MROH9: variants seen among roughly 807,000 people sequenced by gnomAD.
MROH9 encodes the protein maestro heat like repeat family member 9, also known as maestro heat-like repeat-containing protein family member 9.
MROH9 carries 92 observed loss-of-function variants against 98.2 expected under a neutral mutation model. That is an observed-to-expected ratio of 0.94 (90% CI 0.79 to 1.11). The LOEUF is 1.11. Among genes scored for constraint, MROH9 ranks in the 50% most tolerant of loss-of-function variants. The pLI, the probability that MROH9 is intolerant of heterozygous loss-of-function variation, is 0.00. For synonymous variants in MROH9, 397 were observed against 368.9 expected (o/e 1.08, Z -0.87); for missense variants, 1,057 against 1,014.8 (o/e 1.04, Z -0.57).
rs1314714068 is a variant in MROH9, at chr1:171,013,866, AAAAT to A, written c.1597-249_1597-246del. Among the ~76,000 whole-genome samples the A allele has an allele frequency of 2.4e-5, 3 of 123,248 alleles. No homozygotes were observed. The South Asian group carries it at 9.0e-4, about 37-fold the overall frequency. 80.9% of individuals were successfully genotyped at this position (123,248 alleles called of 152,430 possible). On this transcript the variant is annotated intron_variant, in intron 15 of 21. Coordinates refer to ENST00000367759, the MANE Select transcript of MROH9 (RefSeq NM_001163629.2). ...AGTTTCCAACAATGGAGGAAAATGTAAAATACATACACACACACACACACACACA... is the reference window on the plus strand; with the variant it reads ...AGTTTCCAACAATGGAGGAAAATGTAACATACACACACACACACACACACA...
intron 14 of MROH9, 52 bp from the exon 15 acceptor site, chr1:170,998,102 T>C: frequency 7.3e-7 from 1 of 1,362,384 alleles, no homozygotes; most frequent in Non-Finnish European, 1.0e-6. Flanking sequence ...TTTGCCACTA[T>C]TAGCATGGTG....
chr1:171,006,611 A>G (rs949502987), intron 15 of MROH9, among the ~76,000 whole-genome samples: 2 of 151,792 alleles, frequency 1.3e-5, no homozygotes, highest in Non-Finnish European at 2.9e-5. Flanking sequence ...ATCTAGATTC[A>G]TATATTTAAT....
rs1189957613 is a variant in MROH9, at chr1:170,980,214, C to T, written c.617-3208C>T. Among the ~76,000 whole-genome samples the T allele has an allele frequency of 2.6e-5, 4 of 152,220 alleles. No homozygotes were observed. In the South Asian group the frequency reaches 8.3e-4, roughly 32 times the overall value. ...TTCCTATCAAACTACCATTGACATTCTTCACACGATTAGAAAAAAACTATT... is the reference window on the plus strand; with the variant it reads ...TTCCTATCAAACTACCATTGACATTTTTCACACGATTAGAAAAAAACTATT... On this transcript the variant is annotated intron_variant, in intron 8 of 21. Transcript: ENST00000367759.
intron 20 of MROH9, among the ~76,000 whole-genome samples, chr1:171,038,776 T>C (rs1192956729): frequency 6.6e-6 from 1 of 152,190 alleles, no homozygotes. Flanking sequence ...AGAACTGTCA[T>C]AGTGACACCA....
intron 3 of MROH9, among the ~76,000 whole-genome samples, chr1:170,955,375 G>T (rs1385148101): frequency 6.6e-6 from 1 of 152,040 alleles, no homozygotes; most frequent in African/African-American, 2.4e-5. Flanking sequence ...TCTACTTTTA[G>T]TTCTTTAAGG....
intron 3 of MROH9, among the ~76,000 whole-genome samples, chr1:170,957,954 G>T (rs190915020): frequency 6.6e-6 from 1 of 151,980 alleles, no homozygotes; most frequent in East Asian, 1.9e-4. Flanking sequence ...GACTACAGGC[G>T]CCCGCTACCA....
chr1:170,959,231 C>G (rs1278035683), intron 4 of MROH9, among the ~76,000 whole-genome samples: 1 of 151,976 alleles, frequency 6.6e-6, no homozygotes, highest in Non-Finnish European at 1.5e-5. Flanking sequence ...AAAAATTAGC[C>G]AGGCGTGGTG....
chr1:170,965,180 C>A lies in MROH9; in HGVS notation c.405C>A (p.Ser135Arg), dbSNP rs1196939303. The stretch of plus-strand genomic sequence containing the variant: ...TGCTCGTGTGGATGAGTAAAGATAG[C>A]TCATATCTGCAAGAGAGAATAATGG... Reference protein sequence around the residue: ...KEMLVWMSKDSSYLQERIMVI... With the variant: ...KEMLVWMSKDRSYLQERIMVI... Residue 135 changes from serine to arginine, a missense_variant, in exon 7 of 22, where the codon AGC becomes AGA. Ser to Arg is a moderately radical substitution (Grantham distance 110). Transcript: ENST00000367759. 6.2e-7 allele frequency: 1 copy of A among 1,610,730 alleles called. No homozygotes were observed. The highest frequency in any genetic ancestry group is 1.3e-5 in the African/African-American group (1 of 74,768).
intron 1 of MROH9, among the ~76,000 whole-genome samples, chr1:170,938,928 T>C (rs768265780): frequency 6.6e-6 from 1 of 152,210 alleles, no homozygotes; most frequent in Non-Finnish European, 1.5e-5. Context: ...TAAAAGTCCA[T>C]GTTGCTGGAC....
chr1:170,987,415 C>G (rs1482735484), intron 10 of MROH9, among the ~76,000 whole-genome samples: 1 of 152,212 alleles, frequency 6.6e-6, no homozygotes, highest in Non-Finnish European at 1.5e-5. Context: ...ACAACGAAAT[C>G]TGGGACTGCT....
Position 170,970,731 on chromosome 1 carries a change from T to TGTGAGAGAGAGA in MROH9, c.481-1016_481-1015insTGAGAGAGAGAG, listed in dbSNP as rs1491154307. On this transcript the variant is annotated intron_variant, in intron 7 of 21. Transcript: ENST00000367759. ...GTGTGTGTGTGTGTGTGTGTGTGTG[T>TGTGAGAGAGAGA]GAGAGAGAGAGAGAGAGAGAGAGAG... is the stretch of plus-strand genomic sequence containing the variant. Among the ~76,000 whole-genome samples the TGTGAGAGAGAGA allele has an allele frequency of 8.4e-3, 759 of 90,690 alleles. 3 individuals are homozygous for TGTGAGAGAGAGA. Among genetic ancestry groups the TGTGAGAGAGAGA allele is most frequent in the Middle Eastern group, 0.015 (2 of 130 alleles). 59.5% of individuals were successfully genotyped at this position (90,690 alleles called of 152,430 possible). A position where few individuals can be genotyped will look rare whatever the true frequency, so the allele number is the denominator to read the frequency against.
At chr1:171,027,172 C>T (rs1348176749) in intron 20 of MROH9, among the ~76,000 whole-genome samples, 1 of 150,672 alleles carries the variant, frequency 6.6e-6, no homozygotes, top group South Asian at 2.1e-4. Context: ...GTTCGCTGCC[C>T]CTATTGACTG....
At chr1:170,969,665 C>A (rs1401481955) in intron 7 of MROH9, among the ~76,000 whole-genome samples, 2 of 152,038 alleles carry the variant, frequency 1.3e-5, no homozygotes, top group Admixed American at 6.6e-5. Flanking sequence ...TTAACACTAT[C>A]ATTACTGTTA....
At chr1:171,040,269 A>G (rs939863503) in intron 20 of MROH9, among the ~76,000 whole-genome samples, 12 of 152,134 alleles carry the variant, frequency 7.9e-5, no homozygotes, top group Admixed American at 6.5e-4. Flanking sequence ...AGTTGCAGTT[A>G]TGTAAGATAA....
chr1:170,952,831 G>A, intron 3 of MROH9, among the ~76,000 whole-genome samples: 1 of 151,928 alleles, frequency 6.6e-6, no homozygotes, highest in East Asian at 1.9e-4. Flanking sequence ...GGCAGCAGCA[G>A]CAGCAAGCAG....
At chr1:171,016,764 T>C (rs2101834653) in intron 17 of MROH9, among the ~76,000 whole-genome samples, 1 of 152,298 alleles carries the variant, frequency 6.6e-6, no homozygotes, top group African/African-American at 2.4e-5. Context: ...GAATTAGATT[T>C]GATATTTGCC....
At chr1:170,971,724 T>C in intron 7 of MROH9, 24 bp from the exon 8 acceptor site, 1 of 1,613,220 alleles carries the variant, frequency 6.2e-7, no homozygotes, top group Non-Finnish European at 8.5e-7. Flanking sequence ...AGCAAATGCA[T>C]GTTCTCCTTT....
At chr1:170,993,776 A>T (rs1261589653) in intron 12 of MROH9, among the ~76,000 whole-genome samples, 2 of 152,160 alleles carry the variant, frequency 1.3e-5, no homozygotes, top group Non-Finnish European at 1.5e-5. Context: ...ATAATCAATG[A>T]TCATAAAAGT....
At chr1:171,045,149 C>T (rs1016047181) in intron 20 of MROH9, among the ~76,000 whole-genome samples, 3 of 150,836 alleles carry the variant, frequency 2.0e-5, no homozygotes, top group African/African-American at 7.3e-5. Context: ...TACAGGCGCC[C>T]GCCACCACGC....
Sources: gnomAD v4.1 joint callset for allele counts (sites outside exome capture counted in the v4.1 genomes callset) on GRCh38, gnomAD v4.1.1 for gene constraint, MANE v1.5 for transcripts, NCBI Gene and HGNC (gene_info 2026-07-23, HGNC 2026-07-21) for gene names.